SLC13A1: variants seen among roughly 807,000 people sequenced by gnomAD.
SLC13A1 encodes the protein Na(+)/sulfate cotransporter.
In SLC13A1, 65 loss-of-function variants were observed where a neutral mutation model predicts 70.0. The ratio of observed to expected loss-of-function variants is 0.93; its 90% CI spans 0.76 to 1.14. SLC13A1 has a LOEUF of 1.14. Ranked by LOEUF, SLC13A1 falls within the 50% of genes most tolerant of loss-of-function variation. The pLI is 0.00. For missense variants in SLC13A1, 726 were observed against 717.8 expected, an observed-to-expected ratio of 1.01 and a Z score of -0.13; for synonymous variants, 275 against 250.5, an observed-to-expected ratio of 1.10 and a Z score of -0.92.
At chr7:123,122,175 T>A (rs1793402863) in intron 12 of SLC13A1, among the ~76,000 whole-genome samples, 1 of 152,072 alleles carries the variant, frequency 6.6e-6, no homozygotes. Flanking sequence ...AGAAAAATTG[T>A]CAATAAAGTT....
At chr7:123,158,194 A>G (rs1794776078) in intron 6 of SLC13A1, among the ~76,000 whole-genome samples, 1 of 152,084 alleles carries the variant, frequency 6.6e-6, no homozygotes, top group Non-Finnish European at 1.5e-5. Flanking sequence ...GAGACCCACA[A>G]GGACCTCAGA....
chr7:123,164,764 G>GA (rs2116517607), intron 6 of SLC13A1, among the ~76,000 whole-genome samples: 1 of 151,516 alleles, frequency 6.6e-6, no homozygotes, highest in Non-Finnish European at 1.5e-5. Context: ...CATCACAACT[G>GA]AAAAAAATTA....
intron 14 of SLC13A1, 123 bp downstream of exon 14, chr7:123,117,348 A>G (rs1377194940): frequency 1.1e-6 from 1 of 942,124 alleles, no homozygotes; most frequent in Non-Finnish European, 1.6e-6. Context: ...CTGCATTCAT[A>G]AACAGAATTC....
chr7:123,198,745 C>T (rs1585422330), intron 1 of SLC13A1, among the ~76,000 whole-genome samples: 1 of 151,990 alleles, frequency 6.6e-6, no homozygotes, highest in African/African-American at 2.4e-5. Flanking sequence ...TCTATTATAA[C>T]CCAGACTGGT....
chr7:123,172,819 G>T (rs989607179), intron 2 of SLC13A1, among the ~76,000 whole-genome samples: 8 of 151,924 alleles, frequency 5.3e-5, no homozygotes, highest in African/African-American at 1.9e-4. Context: ...TTGTGTAATT[G>T]ATTAGGTTGA....
intron 6 of SLC13A1, among the ~76,000 whole-genome samples, chr7:123,164,809 C>T (rs189378621): frequency 2.0e-5 from 3 of 151,656 alleles, no homozygotes; most frequent in Non-Finnish European, 4.4e-5. Context: ...CAGCAAAAGA[C>T]AAGAAATAAT....
chr7:123,199,959 G>T lies in SLC13A1; in HGVS notation c.-13C>A. 6.3e-7 allele frequency: 1 copy of T among 1,589,560 alleles called. No individual in the cohort carries two copies. Among genetic ancestry groups the T allele is most frequent in the African/African-American group, 1.3e-5 (1 of 74,466 alleles). ...TGAAGAATTTCATTGTCCTGAGCAG[G>T]TGGCTTCAATAGTGTCCTCCAAATA... On this transcript the variant is annotated 5_prime_UTR_variant, in exon 1 of 15. Coordinates refer to ENST00000194130, the MANE Select transcript of SLC13A1 (RefSeq NM_022444.4).
chr7:123,122,844 C>T (rs999689500), intron 12 of SLC13A1, among the ~76,000 whole-genome samples: 6 of 152,022 alleles, frequency 3.9e-5, no homozygotes, highest in East Asian at 1.9e-4. Flanking sequence ...TCCTTACTAG[C>T]CTTCTAATAC....
At chr7:123,149,355 G>A (rs775852791) in intron 6 of SLC13A1, 10 of 377,540 alleles carry the variant, frequency 2.6e-5, no homozygotes, top group Admixed American at 1.8e-4. Flanking sequence ...TTTCAAGAAT[G>A]TGTCAAACAC....
chr7:123,126,406 G>A (rs1368817889), intron 10 of SLC13A1, among the ~76,000 whole-genome samples: 3 of 152,122 alleles, frequency 2.0e-5, no homozygotes, highest in African/African-American at 7.2e-5. Flanking sequence ...ATTCCCAGAA[G>A]CCTCAACAGG....
At chr7:123,171,971 C>T in intron 2 of SLC13A1, 67 bp from the exon 3 acceptor site, 2 of 1,427,424 alleles carry the variant, frequency 1.4e-6, no homozygotes, top group East Asian at 2.3e-5. Flanking sequence ...ACAAGAAAGA[C>T]ATTATTATGC....
At chr7:123,166,638 T>C (rs1331261487) in intron 6 of SLC13A1, among the ~76,000 whole-genome samples, 1 of 152,040 alleles carries the variant, frequency 6.6e-6, no homozygotes, top group Non-Finnish European at 1.5e-5. Flanking sequence ...AGTGAGAACA[T>C]GTGGTGTTTG....
intron 7 of SLC13A1, among the ~76,000 whole-genome samples, chr7:123,144,132 G>C (rs900123782): frequency 6.6e-6 from 1 of 152,156 alleles, no homozygotes; most frequent in African/African-American, 2.4e-5. Flanking sequence ...GGCAGATCAA[G>C]CATGCTGTTT....
intron 7 of SLC13A1, among the ~76,000 whole-genome samples, chr7:123,140,080 T>C (rs181954209): frequency 2.0e-5 from 3 of 151,686 alleles, no homozygotes; most frequent in Non-Finnish European, 2.9e-5. Flanking sequence ...CTTCTTTTTT[T>C]AAAAAAAATT....
In SLC13A1 at chr7:123,117,936, G is replaced by A. The variant is rs564897003; in HGVS notation, c.1513-328C>T. ...TGTTGGGCTAAATGTTTACATATACGTATATATTCATATATTTACACATAA... is the reference window on the plus strand; with the variant it reads ...TGTTGGGCTAAATGTTTACATATACATATATATTCATATATTTACACATAA... On this transcript the variant is annotated intron_variant, in intron 13 of 14. Coordinates refer to ENST00000194130, the MANE Select transcript of SLC13A1 (RefSeq NM_022444.4). Among the ~76,000 whole-genome samples the A allele has an allele frequency of 6.6e-4, 100 of 150,948 alleles. 2 individuals are homozygous for A. Among genetic ancestry groups the A allele is most frequent in the Middle Eastern group, 6.9e-3 (2 of 288 alleles).
Position 123,168,454 on chromosome 7 carries a change from A to G in SLC13A1, c.612-32T>C, listed in dbSNP as rs180744297. On this transcript the variant is annotated intron_variant, in intron 5 of 14. Transcript: ENST00000194130. ...AATACATTGATCCAGTTATAATTTT[A>G]TTAAAATATAATTTGGAAAAATCCC... The G allele has an allele frequency of 4.4e-6, 7 of 1,586,872 alleles. No homozygotes were observed. The East Asian group carries it at 1.1e-4, about 26-fold the overall frequency.
chr7:123,137,866 A>T (rs1183081509), intron 7 of SLC13A1, among the ~76,000 whole-genome samples: 40 of 152,192 alleles, frequency 2.6e-4, no homozygotes, highest in Admixed American at 2.6e-3. Context: ...TAATCAGATC[A>T]TAGAAATGGG....
intron 6 of SLC13A1, among the ~76,000 whole-genome samples, chr7:123,158,466 A>G (rs963283663): frequency 6.6e-6 from 1 of 152,094 alleles, no homozygotes; most frequent in African/African-American, 2.4e-5. Flanking sequence ...CTTAGAAACC[A>G]CAGTGAGAAA....
chr7:123,138,967 G>T (rs140839200), intron 7 of SLC13A1, among the ~76,000 whole-genome samples: 12 of 152,024 alleles, frequency 7.9e-5, no homozygotes, highest in African/African-American at 2.9e-4. Flanking sequence ...GGGCTTGTGG[G>T]GTATTATTCA....
Sources: gnomAD v4.1 joint callset for allele counts (sites outside exome capture counted in the v4.1 genomes callset) on GRCh38, gnomAD v4.1.1 for gene constraint, MANE v1.5 for transcripts, NCBI Gene and HGNC (gene_info 2026-07-23, HGNC 2026-07-21) for gene names.